The following PIEZO1 variants were observed in gnomAD, a reference collection of about 807,000 sequenced individuals.
The protein encoded by PIEZO1 is piezo-type mechanosensitive ion channel component 1.
Under a neutral mutation model 297.2 loss-of-function variants are expected in PIEZO1, and 296 were observed. The ratio of observed to expected loss-of-function variants is 1.00; its 90% CI spans 0.91 to 1.10. The LOEUF (loss-of-function observed/expected upper bound fraction) is 1.10. PIEZO1 is among the 50% of genes least tolerant of loss of function. The pLI is 0.00. For missense variants in PIEZO1, 5,018 were observed against 3,455.5 expected, an observed-to-expected ratio of 1.45 and a Z score of -11.34; for synonymous variants, 2,427 against 1,507.5, an observed-to-expected ratio of 1.61 and a Z score of -14.13.
Position 88,720,625 on chromosome 16 carries a change from C to T in PIEZO1, c.5792G>A (p.Cys1931Tyr). 1.3e-6 allele frequency: 2 copies of T among 1,545,656 alleles called. No homozygotes were observed. The highest frequency in any genetic ancestry group is 1.7e-6 in the Non-Finnish European group (2 of 1,145,782). Reference protein sequence around the residue: ...RAAGRRLQGFCLSLAQGTYRP... With the variant: ...RAAGRRLQGFYLSLAQGTYRP... ...GGCCGCCATCACTCACAGGGACAGG[C>T]AGAAGCCCTGCAGCCGCCGCCCGGC... The change falls in exon 40 of 51, where the codon TGC (cysteine) becomes TAC (tyrosine). Residue 1931 changes from cysteine (C) to tyrosine (Y), a missense_variant. Cys to Tyr is a radical substitution (Grantham distance 194). Transcript: ENST00000301015.
Position 88,784,923 on chromosome 16 carries a change from C to G in PIEZO1, c.42G>C (p.Leu14=). Residue 14 remains leucine (L), a synonymous_variant, in exon 1 of 51, where the codon CTG becomes CTC. Coordinates refer to ENST00000301015, the MANE Select transcript of PIEZO1 (RefSeq NM_001142864.4). ...CACCAGCCAGCAGCGCGCAGGGCAG[C>G]AGCAGCCAGTACAGGACCGCGCCGA... is the stretch of plus-strand genomic sequence containing the variant. The part of the protein sequence containing the change: ...HVLGAVLYWL[L]LPCALLAACL... 1 of 1,436,998 alleles carries G rather than the reference C, an allele frequency of 7.0e-7. No individual in the cohort carries two copies. Among genetic ancestry groups the G allele is most frequent in the Non-Finnish European group, 9.1e-7 (1 of 1,093,286 alleles). 89.0% of individuals were successfully genotyped at this position (1,436,998 alleles called of 1,614,324 possible).
rs1447487786 is a variant in PIEZO1, at chr16:88,722,113, G to A, written c.4956-47C>T. 9 of 1,528,928 alleles carry A rather than the reference G, an allele frequency of 5.9e-6. No individual in the cohort carries two copies. In the Admixed American group the frequency reaches 6.0e-5, roughly 10 times the overall value. 94.7% of individuals were successfully genotyped at this position (1,528,928 alleles called of 1,614,324 possible). On this transcript the variant is annotated intron_variant, in intron 36 of 50. Transcript: ENST00000301015. ...TGGGGGAGTCTGGGACTGCCCGAAG[G>A]CATGACGGCCCGATCTGTTGCCGGT...
chr16:88,765,088 C>T (rs997745246), intron 1 of PIEZO1, among the ~76,000 whole-genome samples: 1 of 152,248 alleles, frequency 6.6e-6, no homozygotes, highest in Non-Finnish European at 1.5e-5. Context: ...GAGCCCTCAC[C>T]CTGTGATTTA....
At chr16:88,756,651 C>G (rs563609899) in intron 1 of PIEZO1, among the ~76,000 whole-genome samples, 18 of 152,170 alleles carry the variant, frequency 1.2e-4, no homozygotes, top group Middle Eastern at 3.4e-3. Flanking sequence ...GCCTGTAGTC[C>G]CAGCTACTTG....
intron 2 of PIEZO1, chr16:88,745,344 A>ACTGTGTGGGCCCCAACCCATCCG (rs1905980238): frequency 6.6e-6 from 1 of 152,198 alleles, no homozygotes. Flanking sequence ...TTCCTGAACC[A>ACTGTGTGGGCCCCAACCCATCCG]CTGTGTGGGC....
rs79569596 is a variant in PIEZO1, at chr16:88,731,574, G to C, written c.3196+132C>G. 0.012 allele frequency: 7,707 copies of C among 669,692 alleles called. 423 individuals carry two copies. The African/African-American group carries it at 0.13, about 11-fold the overall frequency. The allele number at this position is 669,692 out of a possible 1,614,324, so 41.5% of individuals were successfully genotyped here. ...TGGCGCCTGGGTAGGATGTGGAGCA[G>C]AGAGGAGGGACTGGAGGAGGCCAAG... On this transcript the variant is annotated intron_variant, in intron 22 of 50. Transcript: ENST00000301015.
In PIEZO1 at chr16:88,742,099, CAGAG is replaced by C. The variant is rs1905716966; in HGVS notation, c.284-8_284-5del. 6.5e-7 allele frequency: 1 copy of C among 1,535,792 alleles called. No individual in the cohort carries two copies. Among genetic ancestry groups the C allele is most frequent in the African/African-American group, 1.4e-5 (1 of 73,000 alleles). The stretch of plus-strand genomic sequence containing the variant: ...GAGAGGGTCTCCCAGCGGCTGCCTG[CAGAG>C]AAAGACGGGGGAACCCAGGTCAGGC... On this transcript the variant is annotated splice_region_variant and splice_polypyrimidine_tract_variant and intron_variant, in intron 3 of 50. Coordinates refer to ENST00000301015, the MANE Select transcript of PIEZO1 (RefSeq NM_001142864.4).
At chr16:88,779,451 G>T (rs540708683) in intron 1 of PIEZO1, among the ~76,000 whole-genome samples, 1 of 152,162 alleles carries the variant, frequency 6.6e-6, no homozygotes, top group Non-Finnish European at 1.5e-5. Context: ...AGCAATGACC[G>T]TGCGGGGCCC....
intron 19 of PIEZO1, 28 bp from the exon 20 acceptor site, chr16:88,732,760 C>T (rs974702088): frequency 6.6e-7 from 1 of 1,519,748 alleles, no homozygotes; most frequent in Non-Finnish European, 8.9e-7. Flanking sequence ...ATCAGTGCCC[C>T]CTCCCAGGCC....
rs1196747405 is a variant in PIEZO1, at chr16:88,737,702, G to T, written c.1107+26C>A. The T allele has an allele frequency of 4.6e-6, 7 of 1,534,216 alleles. No homozygotes were observed. In the Admixed American group the frequency reaches 9.8e-5, roughly 21 times the overall value. ...GGCTGGCCGGGCGCCCCCCACGCTG[G>T]CGTCTCCACCTGCCTGGCTGCTCAC... is the stretch of plus-strand genomic sequence containing the variant. On this transcript the variant is annotated intron_variant, in intron 9 of 50. Transcript: ENST00000301015.
chr16:88,784,853 G>A (rs1373079219), intron 1 of PIEZO1, 48 bp downstream of exon 1: 4 of 1,320,522 alleles, frequency 3.0e-6, no homozygotes, highest in Middle Eastern at 2.6e-4. Flanking sequence ...GTGGGGAGCC[G>A]AGACGCAGCC....
At chr16:88,776,967 G>C (rs1201518156) in intron 1 of PIEZO1, among the ~76,000 whole-genome samples, 2 of 152,108 alleles carry the variant, frequency 1.3e-5, no homozygotes, top group Non-Finnish European at 2.9e-5. Context: ...TGAAGTGTCA[G>C]GATTTTCTTC....
intron 19 of PIEZO1, 183 bp from the exon 20 acceptor site, chr16:88,732,915 C>A (rs935950723): frequency 3.2e-6 from 2 of 632,958 alleles, no homozygotes; most frequent in African/African-American, 3.7e-5. Flanking sequence ...AACAGGGAGA[C>A]CACGGGCAGG....
Position 88,733,685 on chromosome 16 carries a change from T to C in PIEZO1, c.2390A>G (p.Asp797Gly), listed in dbSNP as rs1362985118. The stretch of plus-strand genomic sequence containing the variant: ...GAACACCTGCACGCGTGAGAGGACG[T>C]CCGAGAAGCCGGCTGCCAGCTCCAG... ...RLLELAAGFS[D>G]VLSRVQVFLR... is the part of the protein sequence containing the mutation. The change falls in exon 18 of 51, where the codon GAC becomes GGC. Residue 797 changes from aspartate (D) to glycine (G), a missense_variant. Transcript: ENST00000301015. 4 of 1,549,164 alleles carry C rather than the reference T, an allele frequency of 2.6e-6. No homozygotes were observed. In the Admixed American group the frequency reaches 7.9e-5, roughly 31 times the overall value.
At chr16:88,763,795 C>T (rs1247473603) in intron 1 of PIEZO1, among the ~76,000 whole-genome samples, 1 of 152,192 alleles carries the variant, frequency 6.6e-6, no homozygotes, top group African/African-American at 2.4e-5. Flanking sequence ...TGACCTGGAG[C>T]TGGCCCCGCC....
rs1427955644 is a variant in PIEZO1 at position 88,738,215 on chromosome 16, GC to G, written c.848+11del. The G allele has an allele frequency of 2.0e-6, 3 of 1,534,770 alleles. No individual in the cohort carries two copies. The East Asian group carries it at 7.3e-5, about 38-fold the overall frequency. On this transcript the variant is annotated intron_variant, in intron 7 of 50. Coordinates refer to ENST00000301015, the MANE Select transcript of PIEZO1 (RefSeq NM_001142864.4). ...GGTGGCAGGAAAAAGGGGCTGTGTG[GC>G]AAGCCGTTACCTAGCCCAGATGCCG...
chr16:88,729,677 G>A (rs1404310757), intron 22 of PIEZO1, among the ~76,000 whole-genome samples: 3 of 134,786 alleles, frequency 2.2e-5, no homozygotes, highest in South Asian at 2.4e-4. Flanking sequence ...AGTGACCCTC[G>A]ATGCTGGGGA....
rs1173185958 is a variant in PIEZO1 at position 88,716,824 on chromosome 16, C to T, written c.6735G>A (p.Arg2245=). 6.5e-7 allele frequency: 1 copy of T among 1,550,132 alleles called. No homozygotes were observed. Among genetic ancestry groups the T allele is most frequent in the Admixed American group, 2.0e-5 (1 of 51,010 alleles). The part of the protein sequence containing the change: ...FTAQAYEELS[R]QFDPQPLAMQ... ...CACTTACCGGCTGGGGGTCAAACTG[C>T]CGGGACAGCTCCTCATAGGCCTGGG... The change falls in exon 46 of 51, where the codon CGG becomes CGA. Residue 2245 remains arginine (R), a synonymous_variant. Coordinates refer to ENST00000301015, the MANE Select transcript of PIEZO1 (RefSeq NM_001142864.4).
chr16:88,716,995 A>G, intron 45 of PIEZO1, 28 bp downstream of exon 45: 1 of 1,549,238 alleles, frequency 6.5e-7, no homozygotes, highest in Non-Finnish European at 8.7e-7. Context: ...GGGGATGGGA[A>G]TGGACAGGCG....
Sources: allele counts gnomAD v4.1 joint callset (sites outside exome capture counted in the v4.1 genomes callset), GRCh38; gene constraint gnomAD v4.1.1; transcripts MANE v1.5; gene names NCBI Gene and HGNC (gene_info 2026-07-23, HGNC 2026-07-21).